Variants in SOX30 observed in about 807,000 individuals in gnomAD.
The protein encoded by SOX30 is SRY-box transcription factor 30.
In SOX30, 17 loss-of-function variants were observed where a neutral mutation model predicts 58.6. The ratio of observed to expected loss-of-function variants is 0.29; its 90% CI spans 0.20 to 0.44. The LOEUF (loss-of-function observed/expected upper bound fraction) is 0.44, where lower values mean the gene tolerates loss of function less well. Among genes scored for constraint, SOX30 ranks in the 20% least tolerant of loss-of-function variants. SOX30 has a pLI of 1.00. For synonymous variants in SOX30, 421 were observed against 400.2 expected (o/e 1.05, Z -0.62); for missense variants, 951 against 965.8 (o/e 0.98, Z 0.20).
Position 157,626,209 on chromosome 5 carries a change from T to G in SOX30, c.*131A>C. The G allele has an allele frequency of 1.4e-6, 1 of 734,960 alleles. No individual in the cohort carries two copies. The highest frequency in any genetic ancestry group is 2.1e-6 in the Non-Finnish European group (1 of 483,390). 45.5% of individuals were successfully genotyped at this position (734,960 alleles called of 1,614,324 possible). ...AAATTTTATGAAGACATAAATTGCA[T>G]TTGGTTTTAACTCCTCAAATCACGA... is the stretch of plus-strand genomic sequence containing the variant. On this transcript the variant is annotated 3_prime_UTR_variant, in exon 5 of 5. Transcript: ENST00000265007.
chr5:157,652,043 C>G lies in SOX30; in HGVS notation c.36G>C (p.Pro12=). The part of the protein sequence containing the change: ...ERARPEPPPQ[P]RPLRPAPPPL... ...GGGGCGGAGCGGGACGCAACGGGCG[C>G]GGCTGAGGCGGCGGCTCGGGTCTGG... Residue 12 remains proline, a synonymous_variant, in exon 1 of 5, where the codon CCG becomes CCC. Coordinates refer to ENST00000265007, the MANE Select transcript of SOX30 (RefSeq NM_178424.2). The G allele has an allele frequency of 7.0e-7, 1 of 1,421,962 alleles. No individual in the cohort carries two copies. Among genetic ancestry groups the G allele is most frequent in the Non-Finnish European group, 9.1e-7 (1 of 1,096,484 alleles). The allele number at this position is 1,421,962 out of a possible 1,614,324, so 88.1% of individuals were successfully genotyped here. A position where few individuals can be genotyped will look rare whatever the true frequency, so the allele number is the denominator to read the frequency against.
At chr5:157,646,985 A>G (rs751971661) in intron 2 of SOX30, among the ~76,000 whole-genome samples, 169 bp from the exon 3 acceptor site, 3 of 152,104 alleles carry the variant, frequency 2.0e-5, no homozygotes, top group Non-Finnish European at 2.9e-5. Flanking sequence ...TCCACTGTGT[A>G]TTTTAACATA....
chr5:157,651,938 G>A lies in SOX30; in HGVS notation c.141C>T (p.Ala47=). 6.7e-7 allele frequency: 1 copy of A among 1,496,372 alleles called. No homozygotes were observed. The allele number at this position is 1,496,372 out of a possible 1,614,324, so 92.7% of individuals were successfully genotyped here. The change falls in exon 1 of 5, where the codon GCC becomes GCT. Residue 47 remains alanine, a synonymous_variant. Transcript: ENST00000265007. ...PPSSPTLSAA[A]SATLASSCGE... ...CGCACGACGAGGCCAAGGTCGCACT[G>A]GCTGCCGCGCTCAGTGTGGGAGACG...
Position 157,646,831 on chromosome 5 carries a change from A to G in SOX30, c.1208-15T>C. 1 of 1,594,460 alleles carries G rather than the reference A, an allele frequency of 6.3e-7. No homozygotes were observed. ...ATAAACCCAACCTATAGAAGACAAA[A>G]TATGTTTAAATGTGTAGACTCCATT... On this transcript the variant is annotated splice_polypyrimidine_tract_variant and intron_variant, in intron 2 of 4. Coordinates refer to ENST00000265007, the MANE Select transcript of SOX30 (RefSeq NM_178424.2).
intron 4 of SOX30, among the ~76,000 whole-genome samples, chr5:157,628,136 G>A (rs945041381): frequency 8.5e-5 from 13 of 152,078 alleles, no homozygotes; most frequent in Non-Finnish European, 1.5e-4. Context: ...GCAATATAGT[G>A]AGACCCCCAT....
intron 4 of SOX30, among the ~76,000 whole-genome samples, chr5:157,634,416 T>G (rs1758877795): frequency 6.6e-6 from 1 of 152,098 alleles, no homozygotes; most frequent in Non-Finnish European, 1.5e-5. Context: ...AAGGTCTCAC[T>G]AAATTGCCCA....
intron 2 of SOX30, among the ~76,000 whole-genome samples, 165 bp from the exon 3 acceptor site, chr5:157,646,981 G>C (rs549024751): frequency 6.6e-6 from 1 of 151,944 alleles, no homozygotes. Flanking sequence ...CTTCTCCACT[G>C]TGTATTTTAA....
chr5:157,659,360 C>T (rs570173373), intron 2 of SOX30, among the ~76,000 whole-genome samples: 2 of 152,270 alleles, frequency 1.3e-5, no homozygotes, highest in Admixed American at 6.5e-5. Flanking sequence ...TAACGTCTTT[C>T]TGGTGACCAT....
chr5:157,669,616 G>A (rs1041870057), intron 1 of SOX30, among the ~76,000 whole-genome samples: 8 of 151,734 alleles, frequency 5.3e-5, no homozygotes, highest in Non-Finnish European at 1.2e-4. Flanking sequence ...TCCCGGGTTC[G>A]ACTGATTCTC....
intron 2 of SOX30, among the ~76,000 whole-genome samples, chr5:157,660,579 CTTT>C (rs1043692651): frequency 1.3e-5 from 2 of 150,688 alleles, no homozygotes; most frequent in South Asian, 2.1e-4. Flanking sequence ...TACAGTATCT[CTTT>C]TTTTTTCTTT....
Position 157,648,772 on chromosome 5 carries a change from A to G in SOX30, c.1092T>C (p.Asn364=), listed in dbSNP as rs756566031. 1.2e-6 allele frequency: 2 copies of G among 1,613,404 alleles called. No homozygotes were observed. The highest frequency in any genetic ancestry group is 2.2e-5 in the South Asian group (2 of 91,018). Residue 364 remains asparagine, a synonymous_variant, in exon 2 of 5, where the codon AAT becomes AAC. Coordinates refer to ENST00000265007, the MANE Select transcript of SOX30 (RefSeq NM_178424.2). Reference sequence around the variant, plus strand: ...ACCCAAGCTGGACACTGATTTCTGCATTGTTGGCTGCTGGGTTAGCTTTGG... The same window carrying G: ...ACCCAAGCTGGACACTGATTTCTGCGTTGTTGGCTGCTGGGTTAGCTTTGG... ...ALAKANPAAN[N]AEISVQLGLE...
chr5:157,640,475 T>C (rs1161308028), intron 3 of SOX30, among the ~76,000 whole-genome samples: 2 of 152,018 alleles, frequency 1.3e-5, no homozygotes, highest in Admixed American at 6.6e-5. Context: ...CATCTCACCT[T>C]CACTCACGTA....
intron 1 of SOX30, 103 bp from the exon 2 acceptor site, chr5:157,648,999 C>A: frequency 7.0e-7 from 1 of 1,431,346 alleles, no homozygotes; most frequent in Non-Finnish European, 9.3e-7. Flanking sequence ...TTTGAAATAT[C>A]TGGAGGAAAT....
intron 1 of SOX30, among the ~76,000 whole-genome samples, chr5:157,669,457 T>G (rs191283481): frequency 2.0e-5 from 3 of 152,180 alleles, no homozygotes; most frequent in Non-Finnish European, 4.4e-5. Context: ...AGAGTTGGGA[T>G]TATAGGTGTG....
At chr5:157,657,433 A>C (rs1759497257), upstream of SOX30, among the ~76,000 whole-genome samples, 1 of 152,178 alleles carries the variant, frequency 6.6e-6, no homozygotes, top group Non-Finnish European at 1.5e-5. Context: ...TCAACTGTAG[A>C]ACTCTAACAG....
exon 1 of SOX30, chr5:157,671,455 C>T: frequency 4.8e-6 from 3 of 626,400 alleles, no homozygotes; most frequent in East Asian, 2.9e-5. Context: ...TCCAACAGCC[C>T]CCGTCCCCTT....
intron 4 of SOX30, among the ~76,000 whole-genome samples, chr5:157,636,531 TAAA>T (rs1758930690): frequency 6.6e-6 from 1 of 152,136 alleles, no homozygotes; most frequent in Admixed American, 6.5e-5. Flanking sequence ...CTGCAAAAGA[TAAA>T]AAGATTCTAC....
chr5:157,640,809 T>C (rs893831729), intron 3 of SOX30, among the ~76,000 whole-genome samples: 3 of 152,100 alleles, frequency 2.0e-5, no homozygotes, highest in Non-Finnish European at 4.4e-5. Context: ...ACATATGAGT[T>C]AGCATGATTC....
chr5:157,631,189 T>C (rs1758799367), intron 4 of SOX30, among the ~76,000 whole-genome samples: 1 of 150,574 alleles, frequency 6.6e-6, no homozygotes, highest in African/African-American at 2.4e-5. Flanking sequence ...GCTCAAGCAA[T>C]CTTCCTGCCT....
Sources: gnomAD v4.1 joint callset for allele counts (sites outside exome capture counted in the v4.1 genomes callset) on GRCh38, gnomAD v4.1.1 for gene constraint, MANE v1.5 for transcripts, NCBI Gene and HGNC (gene_info 2026-07-23, HGNC 2026-07-21) for gene names.